Variants in ETV6 observed in about 807,000 individuals in gnomAD.
The protein encoded by ETV6 is transcription factor ETV6.
A neutral mutation model predicts 51.1 loss-of-function variants in ETV6; 16 were observed. That is an observed-to-expected ratio of 0.31 (90% confidence interval 0.21 to 0.48). The LOEUF (loss-of-function observed/expected upper bound fraction) is 0.48, where lower values mean the gene tolerates loss of function less well. Ranked by LOEUF, ETV6 falls within the 20% of genes least tolerant of loss-of-function variation. The pLI is 0.99. For missense variants in ETV6, 458 were observed against 594.8 expected, an observed-to-expected ratio of 0.77 and a Z score of 2.39; for synonymous variants, 240 against 224.1, an observed-to-expected ratio of 1.07 and a Z score of -0.64.
At chr12:11,808,321 C>CA (rs1328762818) in intron 2 of ETV6, among the ~76,000 whole-genome samples, 1 of 152,034 alleles carries the variant, frequency 6.6e-6, no homozygotes, top group Non-Finnish European at 1.5e-5. Context: ...CCATTTCCCC[C>CA]ATGGGATACA....
chr12:11,715,426 A>G (rs1212172474), intron 1 of ETV6, among the ~76,000 whole-genome samples: 3 of 152,232 alleles, frequency 2.0e-5, no homozygotes, highest in Non-Finnish European at 2.9e-5. Context: ...AATACTCATT[A>G]TCACCTTCAA....
intron 1 of ETV6, among the ~76,000 whole-genome samples, chr12:11,729,945 A>C (rs1024001959): frequency 1.3e-5 from 2 of 152,136 alleles, no homozygotes; most frequent in South Asian, 2.1e-4. Flanking sequence ...AAAGGCATTT[A>C]ATTTCTCTCT....
chr12:11,692,521 A>G (rs1256245606), intron 1 of ETV6, among the ~76,000 whole-genome samples: 1 of 152,178 alleles, frequency 6.6e-6, no homozygotes, highest in African/African-American at 2.4e-5. Context: ...TGACTTCAGT[A>G]CAGTTAATGC....
chr12:11,747,095 GT>G (rs1232424755), intron 1 of ETV6, among the ~76,000 whole-genome samples: 2 of 152,098 alleles, frequency 1.3e-5, no homozygotes, highest in South Asian at 4.1e-4. Flanking sequence ...TTTGTCTGGC[GT>G]ACCCTCTCCC....
intron 2 of ETV6, among the ~76,000 whole-genome samples, chr12:11,828,682 T>C (rs1946197481): frequency 1.3e-5 from 2 of 152,184 alleles, no homozygotes; most frequent in African/African-American, 4.8e-5. Flanking sequence ...GGGGGGTTTG[T>C]TTATGAACTC....
chr12:11,742,805 C>CTT lies in ETV6; in HGVS notation c.34-9628_34-9627dup, dbSNP rs751007395. ...CATCTCATTTTTCTTTTCTTTCTTT[C>CTT]TTTTTTTTTTTTTTTTTTGGAGACA... is the stretch of plus-strand genomic sequence containing the variant. On this transcript the variant is annotated intron_variant, in intron 1 of 7. Coordinates refer to ENST00000396373, the MANE Select transcript of ETV6 (RefSeq NM_001987.5). Among the ~76,000 whole-genome samples, 652 of 78,562 alleles carry CTT rather than the reference C, an allele frequency of 8.3e-3. 13 individuals carry two copies. The highest frequency in any genetic ancestry group is 0.027 in the East Asian group (80 of 2,926). 51.5% of individuals were successfully genotyped at this position (78,562 alleles called of 152,430 possible).
At chr12:11,877,432 T>C (rs544752377) in intron 5 of ETV6, among the ~76,000 whole-genome samples, 1 of 152,288 alleles carries the variant, frequency 6.6e-6, no homozygotes, top group South Asian at 2.1e-4. Context: ...TCGGCCTTTG[T>C]TGGAAGGTGT....
chr12:11,857,355 G>T (rs144850808), intron 4 of ETV6, among the ~76,000 whole-genome samples: 2 of 152,266 alleles, frequency 1.3e-5, no homozygotes, highest in East Asian at 3.9e-4. Context: ...GACAGTAGAC[G>T]AGGATGATCA....
chr12:11,800,700 G>A (rs1945735301), intron 2 of ETV6, among the ~76,000 whole-genome samples: 1 of 152,086 alleles, frequency 6.6e-6, no homozygotes, highest in Non-Finnish European at 1.5e-5. Context: ...GCTGCAGATG[G>A]ACTTCAAAAT....
At chr12:11,729,289 A>C (rs902924552) in intron 1 of ETV6, among the ~76,000 whole-genome samples, 2 of 152,122 alleles carry the variant, frequency 1.3e-5, no homozygotes, top group Admixed American at 6.5e-5. Flanking sequence ...TCAGGATTTT[A>C]TCTCAACTCC....
At chr12:11,786,336 G>GT (rs35075041) in intron 2 of ETV6, among the ~76,000 whole-genome samples, 84,285 of 149,326 alleles carry the variant, frequency 0.56, 24,735 homozygotes, top group Admixed American at 0.71. Flanking sequence ...AACTTAATTT[G>GT]TTTTTTTTTT....
At chr12:11,745,251 C>G (rs1212882186) in intron 1 of ETV6, among the ~76,000 whole-genome samples, 2 of 152,226 alleles carry the variant, frequency 1.3e-5, no homozygotes, top group Non-Finnish European at 2.9e-5. Context: ...TATACGGAAC[C>G]TTTAAGTTCT....
intron 1 of ETV6, among the ~76,000 whole-genome samples, chr12:11,711,544 G>A (rs910069766): frequency 6.6e-6 from 1 of 152,200 alleles, no homozygotes; most frequent in East Asian, 1.9e-4. Context: ...AGTATATAGA[G>A]ATACTGTTTC....
At chr12:11,859,146 T>TGAGAAGGAG (rs1946677187) in intron 4 of ETV6, among the ~76,000 whole-genome samples, 1 of 90,982 alleles carries the variant, frequency 1.1e-5, no homozygotes, top group African/African-American at 4.5e-5. Context: ...TTTTTTTTTT[T>TGAGAAGGAG]TTTTTTTTTT....
intron 2 of ETV6, among the ~76,000 whole-genome samples, chr12:11,824,544 C>T (rs1409913830): frequency 1.1e-4 from 17 of 152,166 alleles, no homozygotes; most frequent in East Asian, 5.8e-4. Flanking sequence ...TTTGGGAGGC[C>T]GAGGCAGGTG....
chr12:11,726,149 A>G (rs1032525915), intron 1 of ETV6, among the ~76,000 whole-genome samples: 4 of 152,232 alleles, frequency 2.6e-5, no homozygotes, highest in African/African-American at 4.8e-5. Flanking sequence ...TACTCTAGAA[A>G]TGTACTCAAG....
intron 3 of ETV6, 83 bp downstream of exon 3, chr12:11,839,387 C>G: frequency 7.5e-7 from 1 of 1,338,444 alleles, no homozygotes; most frequent in African/African-American, 1.5e-5. Flanking sequence ...TCACCCGGCC[C>G]AAGAAATCCC....
At chr12:11,661,980 C>T (rs534077637) in intron 1 of ETV6, among the ~76,000 whole-genome samples, 1 of 152,196 alleles carries the variant, frequency 6.6e-6, no homozygotes, top group Non-Finnish European at 1.5e-5. Context: ...TCTTTTGCAG[C>T]GTGCTGTAAG....
chr12:11,701,527 A>G (rs1036018990), intron 1 of ETV6, among the ~76,000 whole-genome samples: 8 of 152,226 alleles, frequency 5.3e-5, no homozygotes, highest in African/African-American at 1.9e-4. Context: ...AGCCAGAGGT[A>G]GATTTTTCTT....
Sources: gnomAD v4.1 joint callset for allele counts (sites outside exome capture counted in the v4.1 genomes callset) on GRCh38, gnomAD v4.1.1 for gene constraint, MANE v1.5 for transcripts, NCBI Gene and HGNC (gene_info 2026-07-23, HGNC 2026-07-21) for gene names.